Variants in MAST2 observed in about 807,000 individuals in gnomAD.
The protein encoded by MAST2 is microtubule-associated serine/threonine-protein kinase 2.
Under a neutral mutation model 147.4 loss-of-function variants are expected in MAST2, and 70 were observed. That is an observed-to-expected ratio of 0.47 (90% CI 0.39 to 0.58). MAST2 has a LOEUF of 0.58. Among genes scored for constraint, MAST2 ranks in the 20% least tolerant of loss-of-function variants. The pLI is 0.00. For synonymous variants in MAST2, 869 were observed against 896.8 expected, an observed-to-expected ratio of 0.97 and a Z score of 0.55; for missense variants, 2,080 against 2,302.3, an observed-to-expected ratio of 0.90 and a Z score of 1.98.
At chr1:46,026,390 T>G (rs1646411663) in intron 16 of MAST2, among the ~76,000 whole-genome samples, 1 of 152,104 alleles carries the variant, frequency 6.6e-6, no homozygotes. Flanking sequence ...GAGAGAGTAG[T>G]AAGAGAAAAG....
intron 3 of MAST2, among the ~76,000 whole-genome samples, chr1:45,871,028 A>G (rs866672601): frequency 1.3e-5 from 2 of 150,750 alleles, no homozygotes; most frequent in Non-Finnish European, 2.9e-5. Context: ...GCCTTTTCAT[A>G]TCAGTTTGCT....
At chr1:45,875,850 C>G (rs1295517679) in intron 3 of MAST2, among the ~76,000 whole-genome samples, 2 of 151,852 alleles carry the variant, frequency 1.3e-5, no homozygotes, top group Admixed American at 6.6e-5. Flanking sequence ...GTATGTACAA[C>G]TATAGAGGTC....
intron 5 of MAST2, among the ~76,000 whole-genome samples, chr1:45,982,778 T>C (rs2149068019): frequency 1.3e-5 from 2 of 152,324 alleles, no homozygotes; most frequent in East Asian, 3.9e-4. Flanking sequence ...CCCCTCCCCC[T>C]GCCATCCCCA....
intron 5 of MAST2, among the ~76,000 whole-genome samples, chr1:45,994,237 G>T (rs1644960519): frequency 7.2e-6 from 1 of 139,346 alleles, no homozygotes; most frequent in African/African-American, 2.7e-5. Context: ...TCAGGTTTAT[G>T]TCAGACTGAT....
chr1:45,972,850 A>G (rs774286310), intron 5 of MAST2, among the ~76,000 whole-genome samples: 3 of 152,102 alleles, frequency 2.0e-5, no homozygotes, highest in Non-Finnish European at 2.9e-5. Context: ...TTCCTGTTCT[A>G]GTGGAATCAT....
chr1:45,833,178 C>T (rs1471921916), intron 3 of MAST2, among the ~76,000 whole-genome samples: 1 of 152,116 alleles, frequency 6.6e-6, no homozygotes, highest in African/African-American at 2.4e-5. Context: ...TTTAGCTGTT[C>T]ATCAGTTGAT....
rs114007412 is a variant in MAST2 at position 45,873,958 on chromosome 1, C to T, written c.469-8406C>T. 6.6e-3 allele frequency among the ~76,000 whole-genome samples: 1,008 copies of T among 152,272 alleles called. 12 individuals are homozygous for T. The highest frequency in any genetic ancestry group is 0.023 in the African/African-American group (972 of 41,568). ...ACCTCAGCCCCCTGAGTAGCTGGGA[C>T]TGCTGGCACATGCCAATATGCCCAG... On this transcript the variant is annotated intron_variant, in intron 3 of 28. Coordinates refer to ENST00000361297, the MANE Select transcript of MAST2 (RefSeq NM_015112.3).
intron 5 of MAST2, among the ~76,000 whole-genome samples, chr1:45,977,807 A>AT (rs1043505889): frequency 6.6e-6 from 1 of 151,754 alleles, no homozygotes; most frequent in Non-Finnish European, 1.5e-5. Context: ...TCTCAAAAAA[A>AT]AAAAAAAAAG....
chr1:45,946,754 G>T (rs780047282), intron 4 of MAST2, among the ~76,000 whole-genome samples: 1 of 152,172 alleles, frequency 6.6e-6, no homozygotes, highest in South Asian at 2.1e-4. Flanking sequence ...TCAAGATAGC[G>T]CTCTCTTTAT....
chr1:45,874,456 A>C (rs1036288397), intron 3 of MAST2, among the ~76,000 whole-genome samples: 10 of 152,244 alleles, frequency 6.6e-5, no homozygotes, highest in Non-Finnish European at 1.3e-4. Context: ...ACTACCAGCC[A>C]GGAGACTGTC....
chr1:45,935,594 T>A (rs1414344768), intron 4 of MAST2, among the ~76,000 whole-genome samples: 1 of 152,228 alleles, frequency 6.6e-6, no homozygotes, highest in Non-Finnish European at 1.5e-5. Flanking sequence ...GGGTCTAGTT[T>A]CAACATTCTG....
intron 5 of MAST2, among the ~76,000 whole-genome samples, chr1:45,983,488 C>CTTT (rs766505425): frequency 7.2e-6 from 1 of 139,536 alleles, no homozygotes. Context: ...GAGTAAGACA[C>CTTT]TTTTTTTTTT....
intron 4 of MAST2, chr1:45,913,972 G>A (rs1267878149): frequency 4.5e-5 from 39 of 867,300 alleles, no homozygotes; most frequent in Admixed American, 1.0e-4. Context: ...GATGAAGACT[G>A]TTTTGGAGAT....
At chr1:45,934,524 C>T (rs565461585) in intron 4 of MAST2, among the ~76,000 whole-genome samples, 53 of 152,170 alleles carry the variant, frequency 3.5e-4, no homozygotes, top group African/African-American at 1.2e-3. Context: ...CTTCTGGGTT[C>T]AAGTGATTCT....
chr1:46,030,628 C>A lies in MAST2; in HGVS notation c.2575C>A (p.Leu859Ile), dbSNP rs760306259. The change falls in exon 22 of 29, where the codon CTC (leucine) becomes ATC (isoleucine). Residue 859 changes from leucine to isoleucine, a missense_variant. Transcript: ENST00000361297. ...FNKVYSSMER[L>I]SLLEERRTPP... ...ACAGGTGTACAGCAGCATGGAGCGG[C>A]TCTCACTGCTCGAGGAGCGCCGGAC... The A allele has an allele frequency of 6.2e-7, 1 of 1,610,836 alleles. No homozygotes were observed. The highest frequency in any genetic ancestry group is 8.5e-7 in the Non-Finnish European group (1 of 1,179,134).
Position 46,010,718 on chromosome 1 carries a change from T to C in MAST2, c.979-12T>C. ...TAGAAGGGAAGTGTTTCTTTCTTGC[T>C]TTTCTTCCCAGGCCACCGCACAAAT... On this transcript the variant is annotated splice_polypyrimidine_tract_variant and intron_variant, in intron 9 of 28. Transcript: ENST00000361297. 1 of 1,611,862 alleles carries C rather than the reference T, an allele frequency of 6.2e-7. No homozygotes were observed. The highest frequency in any genetic ancestry group is 8.5e-7 in the Non-Finnish European group (1 of 1,179,434).
At chr1:45,959,036 T>C (rs1660037130) in intron 4 of MAST2, among the ~76,000 whole-genome samples, 1 of 152,238 alleles carries the variant, frequency 6.6e-6, no homozygotes, top group Non-Finnish European at 1.5e-5. Context: ...GTGCTTTTTA[T>C]TTTGTAAATC....
intron 4 of MAST2, 139 bp downstream of exon 4, chr1:45,882,534 C>T (rs1369351945): frequency 6.3e-6 from 4 of 630,844 alleles, no homozygotes; most frequent in East Asian, 3.1e-5. Context: ...GCTAGGGAAG[C>T]CAGCAGGCCA....
At chr1:45,914,014 T>C in intron 4 of MAST2, 1 of 463,236 alleles carries the variant, frequency 2.2e-6, no homozygotes, top group Non-Finnish European at 2.9e-6. Context: ...GCTGGCTTGA[T>C]TAATTCAAGG....
Sources: allele counts gnomAD v4.1 joint callset (sites outside exome capture counted in the v4.1 genomes callset), GRCh38; gene constraint gnomAD v4.1.1; transcripts MANE v1.5; gene names NCBI Gene and HGNC (gene_info 2026-07-23, HGNC 2026-07-21).